The following UBR2 variants were observed in gnomAD, a reference collection of about 807,000 sequenced individuals.
UBR2 encodes E3 ubiquitin-protein ligase UBR2.
UBR2 carries 92 observed loss-of-function variants against 247.9 expected under a neutral mutation model. The observed-to-expected ratio is 0.37, with a 90% confidence interval of 0.31 to 0.44. The LOEUF is 0.44. Among genes scored for constraint, UBR2 ranks in the 20% least tolerant of loss-of-function variants. The pLI, the probability that UBR2 is intolerant of heterozygous loss-of-function variation, is 1.00. For synonymous variants in UBR2, 672 were observed against 693.5 expected, an observed-to-expected ratio of 0.97 and a Z score of 0.49; for missense variants, 1,613 against 2,112.6, an observed-to-expected ratio of 0.76 and a Z score of 4.64.
chr6:42,601,895 A>ATGAG (rs1582499243), intron 4 of UBR2, among the ~76,000 whole-genome samples: 23 of 92,746 alleles, frequency 2.5e-4, no homozygotes, highest in South Asian at 1.0e-3. Flanking sequence ...TTTTTGATGG[A>ATGAG]GTTTTGCTCT....
intron 15 of UBR2, among the ~76,000 whole-genome samples, chr6:42,638,917 G>A (rs1349756655): frequency 6.6e-6 from 1 of 152,068 alleles, no homozygotes. Flanking sequence ...AAAAGTCAGT[G>A]CTCTAAAAAT....
intron 4 of UBR2, among the ~76,000 whole-genome samples, chr6:42,594,686 A>G (rs951379761): frequency 2.6e-5 from 4 of 152,180 alleles, no homozygotes; most frequent in African/African-American, 9.7e-5. Flanking sequence ...TTCTGTTACC[A>G]TACATGACAG....
At chr6:42,666,306 C>A in intron 34 of UBR2, 61 bp downstream of exon 34, 2 of 1,405,472 alleles carry the variant, frequency 1.4e-6, no homozygotes, top group Non-Finnish European at 2.0e-6. Flanking sequence ...ATTAAGTCAG[C>A]AGTTAGGAGG....
chr6:42,656,272 C>T (rs899093716), intron 26 of UBR2, among the ~76,000 whole-genome samples: 1 of 152,190 alleles, frequency 6.6e-6, no homozygotes, highest in African/African-American at 2.4e-5. Flanking sequence ...TGATAGTTAC[C>T]TGCAATTGTG....
intron 44 of UBR2, among the ~76,000 whole-genome samples, chr6:42,687,947 C>T (rs569928561): frequency 6.6e-6 from 1 of 150,434 alleles, no homozygotes; most frequent in Admixed American, 6.7e-5. Context: ...GCAGTGGTAC[C>T]GTTTATCTTT....
At chr6:42,617,282 G>C in intron 10 of UBR2, 127 bp from the exon 11 acceptor site, 1 of 1,614,076 alleles carries the variant, frequency 6.2e-7, no homozygotes, top group Non-Finnish European at 8.5e-7. Flanking sequence ...GGATGATCAC[G>C]AGCGAGCAGT....
chr6:42,598,342 T>A (rs915748183), intron 4 of UBR2, among the ~76,000 whole-genome samples: 12 of 152,350 alleles, frequency 7.9e-5, no homozygotes, highest in South Asian at 6.2e-4. Context: ...GTAGTATTTG[T>A]AGTTGTTTTC....
At chr6:42,580,698 C>T (rs1002404253) in intron 2 of UBR2, among the ~76,000 whole-genome samples, 1 of 152,064 alleles carries the variant, frequency 6.6e-6, no homozygotes, top group Non-Finnish European at 1.5e-5. Context: ...CGCCACCACG[C>T]CCTGCTAATT....
chr6:42,684,667 A>G (rs778463882), intron 43 of UBR2, 127 bp from the exon 44 acceptor site: 24 of 501,132 alleles, frequency 4.8e-5, no homozygotes, highest in Non-Finnish European at 8.3e-5. Flanking sequence ...TGTCTTGGCA[A>G]TAGGTAAAGT....
At chr6:42,642,662 C>G (rs1412831126) in intron 18 of UBR2, among the ~76,000 whole-genome samples, 181 bp downstream of exon 18, 1 of 152,168 alleles carries the variant, frequency 6.6e-6, no homozygotes, top group South Asian at 2.1e-4. Flanking sequence ...ATTTCCTAGA[C>G]ACACTTCATA....
intron 44 of UBR2, 39 bp downstream of exon 44, chr6:42,684,910 G>A (rs1799288329): frequency 1.3e-6 from 2 of 1,515,220 alleles, no homozygotes; most frequent in Non-Finnish European, 9.1e-7. Flanking sequence ...CCCTGCCACT[G>A]GAAACACCTC....
intron 5 of UBR2, among the ~76,000 whole-genome samples, chr6:42,604,626 C>T (rs1166700569): frequency 6.6e-6 from 1 of 152,176 alleles, no homozygotes; most frequent in Admixed American, 6.5e-5. Flanking sequence ...CGTGTACACT[C>T]TTGCCCCGTA....
intron 42 of UBR2, among the ~76,000 whole-genome samples, chr6:42,680,385 T>G (rs1182776877): frequency 1.3e-5 from 2 of 152,222 alleles, no homozygotes; most frequent in Non-Finnish European, 2.9e-5. Flanking sequence ...GGAATAGTGG[T>G]AGAAATGTTG....
chr6:42,569,560 T>C (rs971138072), intron 1 of UBR2, among the ~76,000 whole-genome samples: 13 of 152,236 alleles, frequency 8.5e-5, no homozygotes, highest in African/African-American at 3.1e-4. Context: ...TTTAAAATTT[T>C]TCTCAATATA....
intron 2 of UBR2, among the ~76,000 whole-genome samples, chr6:42,588,222 A>G (rs1360377990): frequency 6.6e-6 from 1 of 152,228 alleles, no homozygotes; most frequent in African/African-American, 2.4e-5. Flanking sequence ...ATTATAAAGG[A>G]TACAGAAGAA....
intron 11 of UBR2, chr6:42,620,249 C>T (rs560443312): frequency 1.9e-5 from 3 of 158,882 alleles, no homozygotes; most frequent in Non-Finnish European, 1.4e-5. Context: ...TTTTAATTTG[C>T]ATTCTTCTGA....
intron 13 of UBR2, among the ~76,000 whole-genome samples, chr6:42,633,919 C>T (rs1795924266): frequency 1.4e-5 from 2 of 147,696 alleles, no homozygotes; most frequent in Non-Finnish European, 3.0e-5. Context: ...TTAGTAGAGA[C>T]GAGGTTTCAC....
intron 41 of UBR2, among the ~76,000 whole-genome samples, 186 bp from the exon 42 acceptor site, chr6:42,679,538 C>G (rs905145018): frequency 6.6e-6 from 1 of 152,290 alleles, no homozygotes; most frequent in Non-Finnish European, 1.5e-5. Flanking sequence ...CCTGACTGCA[C>G]TTGACGCATT....
In UBR2 at chr6:42,632,075, T is replaced by A. The variant is rs1398585176; in HGVS notation, c.1282-477T>A. 8.3e-3 allele frequency among the ~76,000 whole-genome samples: 1,174 copies of A among 141,932 alleles called. 5 individuals carry two copies. The highest frequency in any genetic ancestry group is 0.026 in the East Asian group (129 of 4,956). 93.1% of individuals were successfully genotyped at this position (141,932 alleles called of 152,430 possible). A position where few individuals can be genotyped will look rare whatever the true frequency, so the allele number is the denominator to read the frequency against. ...CTTATTTAAAAAAAAAAAAAATATA[T>A]ATATATATATATATATGTACACACA... On this transcript the variant is annotated intron_variant, in intron 11 of 46. Coordinates refer to ENST00000372901, the MANE Select transcript of UBR2 (RefSeq NM_001363705.2).
Sources: allele counts gnomAD v4.1 joint callset (sites outside exome capture counted in the v4.1 genomes callset), GRCh38; gene constraint gnomAD v4.1.1; transcripts MANE v1.5; gene names NCBI Gene and HGNC (gene_info 2026-07-23, HGNC 2026-07-21).